NLGN4X: variants seen among roughly 807,000 people sequenced by gnomAD.
NLGN4X encodes the protein neuroligin 4 X-linked, also known as neuroligin-4, X-linked.
NLGN4X carries 3 observed loss-of-function variants against 40.3 expected under a neutral mutation model. That is an observed-to-expected ratio of 0.07 (90% CI 0.03 to 0.19). The LOEUF is 0.19. Among genes scored for constraint, NLGN4X ranks in the 10% least tolerant of loss-of-function variants. The pLI is 1.00. For missense variants in NLGN4X, 382 were observed against 708.3 expected, an observed-to-expected ratio of 0.54 and a Z score of 5.23; for synonymous variants, 270 against 306.8, an observed-to-expected ratio of 0.88 and a Z score of 1.25.
intron 2 of NLGN4X, among the ~76,000 whole-genome samples, chrX:6,103,994 T>C (rs1407905071): frequency 8.9e-6 from 1 of 111,757 alleles, no homozygotes; most frequent in African/African-American, 3.3e-5. Flanking sequence ...GCGTGAGGCA[T>C]GTGTGTGTGA....
At chrX:6,102,160 C>T (rs897359344) in intron 2 of NLGN4X, among the ~76,000 whole-genome samples, 165 of 111,506 alleles carry the variant, frequency 1.5e-3, no homozygotes, top group African/African-American at 5.2e-3. Flanking sequence ...TTGTTTGTAA[C>T]ACAAAAGATA....
chrX:5,982,447 G>T (rs1182893242), intron 3 of NLGN4X, among the ~76,000 whole-genome samples: 1 of 111,862 alleles, frequency 8.9e-6, no homozygotes, highest in African/African-American at 3.2e-5. Flanking sequence ...TAAAATATTT[G>T]CATTATCTTT....
chrX:5,911,192 G>A (rs1020923375), intron 3 of NLGN4X, among the ~76,000 whole-genome samples: 7 of 111,531 alleles, frequency 6.3e-5, no homozygotes, highest in Admixed American at 9.6e-5. Flanking sequence ...CCTAAGGCAC[G>A]AGCAATTTTC....
At chrX:6,052,158 G>GA (rs1022383508) in intron 2 of NLGN4X, among the ~76,000 whole-genome samples, 4 of 109,758 alleles carry the variant, frequency 3.6e-5, no homozygotes, top group African/African-American at 1.3e-4. Flanking sequence ...AGTGACCTTG[G>GA]AAAAGGACCA....
chrX:5,964,874 T>C (rs1320694783), intron 3 of NLGN4X, among the ~76,000 whole-genome samples: 2 of 112,278 alleles, frequency 1.8e-5, no homozygotes, highest in African/African-American at 6.5e-5. Flanking sequence ...ATAGCTCCTA[T>C]AGCTTTACTA....
intron 2 of NLGN4X, among the ~76,000 whole-genome samples, chrX:6,035,884 T>C (rs924419568): frequency 6.2e-5 from 7 of 112,096 alleles, no homozygotes; most frequent in African/African-American, 2.3e-4. Flanking sequence ...TTTCTCTAAC[T>C]TAGTTTATTG....
chrX:6,048,625 C>T (rs1359241938), intron 2 of NLGN4X, among the ~76,000 whole-genome samples: 1 of 111,545 alleles, frequency 9.0e-6, no homozygotes, highest in Non-Finnish European at 1.9e-5. Context: ...CTGGATAAAG[C>T]AAATGTGGTA....
At chrX:6,026,880 C>A (rs922280516) in intron 3 of NLGN4X, among the ~76,000 whole-genome samples, 2 of 109,615 alleles carry the variant, frequency 1.8e-5, no homozygotes, top group Non-Finnish European at 3.8e-5. Flanking sequence ...GGCTAATTTG[C>A]AAGATGTGCA....
At chrX:6,118,810 C>T (rs745950420) in intron 2 of NLGN4X, among the ~76,000 whole-genome samples, 9 of 111,406 alleles carry the variant, frequency 8.1e-5, no homozygotes, top group African/African-American at 2.9e-4. Flanking sequence ...TACTGTCCAG[C>T]ACCTCTCTAT....
chrX:6,196,024 C>T (rs1280804243), intron 1 of NLGN4X, among the ~76,000 whole-genome samples: 1 of 111,004 alleles, frequency 9.0e-6, no homozygotes, highest in Non-Finnish European at 1.9e-5. Context: ...GAACTCTGGG[C>T]TCAAGCAATT....
At chrX:6,218,448 T>C (rs893739191) in intron 1 of NLGN4X, among the ~76,000 whole-genome samples, 2 of 102,698 alleles carry the variant, frequency 1.9e-5, no homozygotes, top group African/African-American at 7.3e-5. Context: ...TCCTTAACTT[T>C]TGAAATAGGA....
intron 3 of NLGN4X, among the ~76,000 whole-genome samples, chrX:5,955,630 A>G (rs1260766929): frequency 9.0e-6 from 1 of 111,006 alleles, no homozygotes; most frequent in Non-Finnish European, 1.9e-5. Context: ...GTGGCAAAAT[A>G]ATGACAGAAA....
chrX:6,134,293 C>A (rs181432819), intron 2 of NLGN4X, among the ~76,000 whole-genome samples: 1 of 111,950 alleles, frequency 8.9e-6, no homozygotes, highest in Non-Finnish European at 1.9e-5. Context: ...CTAAGAGAAT[C>A]GATATTAATG....
intron 2 of NLGN4X, 121 bp from the exon 3 acceptor site, chrX:6,029,553 T>C (rs954967102): frequency 1.4e-6 from 1 of 690,563 alleles, no homozygotes; most frequent in African/African-American, 2.2e-5. Context: ...GCACATTTAT[T>C]TTTATGGATG....
intron 5 of NLGN4X, among the ~76,000 whole-genome samples, chrX:5,898,122 TTCTC>T (rs139411618): frequency 0.4 from 36,689 of 91,089 alleles, 7,112 homozygotes; most frequent in African/African-American, 0.64. Flanking sequence ...CTTCCCTCTT[TTCTC>T]TCTTTCCTTT....
chrX:5,915,321 A>G (rs1233200779), intron 3 of NLGN4X, among the ~76,000 whole-genome samples: 4 of 112,154 alleles, frequency 3.6e-5, no homozygotes, highest in African/African-American at 1.3e-4. Flanking sequence ...ATCTAGAATT[A>G]AGCTGCATAG....
At chrX:6,093,520 A>T (rs1198790102) in intron 2 of NLGN4X, among the ~76,000 whole-genome samples, 1 of 112,077 alleles carries the variant, frequency 8.9e-6, no homozygotes, top group African/African-American at 3.2e-5. Flanking sequence ...AAAGGAATGC[A>T]TAAAAAAGGA....
chrX:6,208,726 C>G (rs1458636687), intron 1 of NLGN4X, among the ~76,000 whole-genome samples: 1 of 111,783 alleles, frequency 8.9e-6, no homozygotes, highest in Non-Finnish European at 1.9e-5. Context: ...AAACTCAAAA[C>G]ATAACAGAGG....
intron 1 of NLGN4X, among the ~76,000 whole-genome samples, chrX:6,211,310 G>A (rs112364482): frequency 0.03 from 3,324 of 111,404 alleles, 69 homozygotes; most frequent in African/African-American, 0.069. Flanking sequence ...AATTAGAGGC[G>A]GGAGGGGTGT....
Sources: gnomAD v4.1 joint callset for allele counts (sites outside exome capture counted in the v4.1 genomes callset) on GRCh38, gnomAD v4.1.1 for gene constraint, MANE v1.5 for transcripts, NCBI Gene and HGNC (gene_info 2026-07-23, HGNC 2026-07-21) for gene names.